CFAP299: variants seen among roughly 807,000 people sequenced by gnomAD.
CFAP299 encodes cilia and flagella associated protein 299.
Under a neutral mutation model 27.0 loss-of-function variants are expected in CFAP299, and 21 were observed. The observed-to-expected ratio is 0.78, with a 90% CI of 0.55 to 1.12. CFAP299 has a LOEUF of 1.12. Ranked by LOEUF, CFAP299 falls within the 50% of genes most tolerant of loss-of-function variation. CFAP299 has a pLI of 0.00. For synonymous variants in CFAP299, 104 were observed against 98.1 expected (o/e 1.06, Z -0.36); for missense variants, 310 against 276.6 (o/e 1.12, Z -0.86).
intron 3 of CFAP299, among the ~76,000 whole-genome samples, chr4:80,604,804 G>C (rs552325115): frequency 1.3e-5 from 2 of 151,560 alleles, no homozygotes; most frequent in Non-Finnish European, 2.9e-5. Flanking sequence ...ACAAGAGTAT[G>C]AATTGCACGT....
In CFAP299 at chr4:80,895,326, C is replaced by T. The variant is rs186341397; in HGVS notation, c.476+25191C>T. On this transcript the variant is annotated intron_variant, in intron 4 of 5. Transcript: ENST00000358105. The stretch of plus-strand genomic sequence containing the variant: ...ATGCAATTTTTATTTGTCATTTATG[C>T]CTCAAAAACTAAAATGAGTTATTGC... Among the ~76,000 whole-genome samples the T allele has an allele frequency of 3.5e-3, 532 of 151,684 alleles. 3 individuals carry two copies. The highest frequency in any genetic ancestry group is 3.9e-3 in the Non-Finnish European group (267 of 67,822).
chr4:80,599,943 C>T (rs1456615476), intron 3 of CFAP299, among the ~76,000 whole-genome samples: 2 of 151,888 alleles, frequency 1.3e-5, no homozygotes, highest in East Asian at 1.9e-4. Flanking sequence ...GATACAAAAA[C>T]AAACAAAAAG....
At chr4:80,727,689 T>C (rs1250697537) in intron 3 of CFAP299, among the ~76,000 whole-genome samples, 1 of 152,088 alleles carries the variant, frequency 6.6e-6, no homozygotes, top group Non-Finnish European at 1.5e-5. Context: ...AAATGATATC[T>C]ATTAACTTTT....
chr4:80,809,155 CT>C (rs1460880796), intron 3 of CFAP299, among the ~76,000 whole-genome samples: 3 of 152,096 alleles, frequency 2.0e-5, no homozygotes, highest in Non-Finnish European at 4.4e-5. Flanking sequence ...TAGAGTAAAC[CT>C]TTTGCCTCTA....
At chr4:80,768,682 T>G (rs555017601) in intron 3 of CFAP299, among the ~76,000 whole-genome samples, 1 of 152,324 alleles carries the variant, frequency 6.6e-6, no homozygotes, top group East Asian at 1.9e-4. Context: ...TTGCATGAAC[T>G]GAATACATTA....
chr4:80,456,580 G>GT (rs1729171076), intron 2 of CFAP299, among the ~76,000 whole-genome samples: 1 of 152,118 alleles, frequency 6.6e-6, no homozygotes, highest in Non-Finnish European at 1.5e-5. Context: ...GATGACTTTG[G>GT]TTTTACCTGA....
chr4:80,411,165 T>C (rs1193187765), intron 2 of CFAP299, among the ~76,000 whole-genome samples: 1 of 152,160 alleles, frequency 6.6e-6, no homozygotes, highest in East Asian at 1.9e-4. Context: ...TAATAAAAGG[T>C]TTACATTTCA....
chr4:80,533,248 A>G (rs1446686713), intron 2 of CFAP299, among the ~76,000 whole-genome samples: 1 of 152,242 alleles, frequency 6.6e-6, no homozygotes, highest in Non-Finnish European at 1.5e-5. Context: ...GCATAATAGT[A>G]GCTGGGTAAT....
chr4:80,702,415 C>T (rs115796230), intron 3 of CFAP299, among the ~76,000 whole-genome samples: 175 of 151,916 alleles, frequency 1.2e-3, no homozygotes, highest in African/African-American at 3.6e-3. Context: ...CTTTTACACA[C>T]GACACTGAGC....
chr4:80,343,713 C>T lies in CFAP299; in HGVS notation c.111+7834C>T, dbSNP rs1178802669. Among the ~76,000 whole-genome samples, 3 of 147,816 alleles carry T rather than the reference C, an allele frequency of 2.0e-5. No individual in the cohort carries two copies. The East Asian group carries it at 6.1e-4, about 30-fold the overall frequency. ...CTGAGGCAGGAGAATGGCGTGAACC[C>T]GGGAAGTGGAGCTTGCAGTGAGCCG... On this transcript the variant is annotated intron_variant, in intron 1 of 5. Coordinates refer to ENST00000358105, the MANE Select transcript of CFAP299 (RefSeq NM_152770.3).
chr4:80,614,548 C>T (rs907150817), intron 3 of CFAP299, among the ~76,000 whole-genome samples: 5 of 152,162 alleles, frequency 3.3e-5, no homozygotes, highest in African/African-American at 1.2e-4. Context: ...GCAGCATGTG[C>T]GGCGGGTGTA....
chr4:80,472,793 G>A (rs549721297), intron 2 of CFAP299, among the ~76,000 whole-genome samples: 24 of 152,278 alleles, frequency 1.6e-4, no homozygotes, highest in African/African-American at 5.5e-4. Context: ...TGCCTGTATG[G>A]CCCATGTTCC....
At chr4:80,828,787 A>G (rs1730133552) in intron 3 of CFAP299, among the ~76,000 whole-genome samples, 1 of 152,064 alleles carries the variant, frequency 6.6e-6, no homozygotes, top group Non-Finnish European at 1.5e-5. Context: ...AGTCTCAGAT[A>G]TTTCTTTATA....
intron 3 of CFAP299, among the ~76,000 whole-genome samples, chr4:80,727,722 ATTG>A (rs1052370474): frequency 1.1e-4 from 17 of 152,004 alleles, no homozygotes; most frequent in African/African-American, 2.4e-4. Context: ...AATTATTATT[ATTG>A]TTATTATTAT....
rs114754700 is a variant in CFAP299, at chr4:80,487,662, G to C, written c.243-95431G>C. On this transcript the variant is annotated intron_variant, in intron 2 of 5. Transcript: ENST00000358105. ...TGTGTGCACCACAGGGATGAAAAAA[G>C]AGGAATAAGTATGGAAGCTGAGTGC... Among the ~76,000 whole-genome samples the C allele has an allele frequency of 8.9e-3, 1,356 of 152,278 alleles. 23 individuals carry two copies. The highest frequency in any genetic ancestry group is 0.03 in the African/African-American group (1,249 of 41,558).
At chr4:80,327,067 A>G in the CFAP299 span, among the ~76,000 whole-genome samples, 22 of 152,304 alleles carry the variant, frequency 1.4e-4, no homozygotes, top group African/African-American at 4.8e-4. Flanking sequence ...TCTGCATTCC[A>G]ACAAATGAAC....
At chr4:80,855,964 T>C (rs1474699186) in intron 3 of CFAP299, among the ~76,000 whole-genome samples, 5 of 151,838 alleles carry the variant, frequency 3.3e-5, no homozygotes, top group Admixed American at 6.6e-5. Context: ...TAGTTCTAGA[T>C]CCCTGAGGAA....
intron 3 of CFAP299, among the ~76,000 whole-genome samples, chr4:80,837,857 C>T (rs1418199190): frequency 1.3e-5 from 2 of 152,180 alleles, no homozygotes; most frequent in Non-Finnish European, 2.9e-5. Flanking sequence ...CTGTCTTCCA[C>T]AATGGTTAAA....
chr4:80,797,256 A>C (rs1037878130), intron 3 of CFAP299, among the ~76,000 whole-genome samples: 4 of 152,136 alleles, frequency 2.6e-5, no homozygotes, highest in Admixed American at 6.5e-5. Context: ...GTCCTTCCTC[A>C]AGGGGACCCA....
Sources: allele counts gnomAD v4.1 joint callset (sites outside exome capture counted in the v4.1 genomes callset), GRCh38; gene constraint gnomAD v4.1.1; transcripts MANE v1.5; gene names NCBI Gene and HGNC (gene_info 2026-07-23, HGNC 2026-07-21).